The following CLPTM1 variants were observed in gnomAD, a reference collection of about 807,000 sequenced individuals.
CLPTM1 encodes the protein CLPTM1 regulator of GABA type A receptor forward trafficking.
CLPTM1 carries 21 observed loss-of-function variants against 77.3 expected under a neutral mutation model. That is an observed-to-expected ratio of 0.27 (90% CI 0.19 to 0.39). The LOEUF (loss-of-function observed/expected upper bound fraction) is 0.39, where lower values mean the gene tolerates loss of function less well. CLPTM1 is among the 10% of genes least tolerant of loss of function. The pLI is 1.00. For missense variants in CLPTM1, 642 were observed against 921.2 expected (o/e 0.70, Z 3.92); for synonymous variants, 373 against 381.0 (o/e 0.98, Z 0.24).
intron 5 of CLPTM1, among the ~76,000 whole-genome samples, chr19:44,981,464 G>A (rs559567103): frequency 3.2e-4 from 49 of 152,212 alleles, no homozygotes; most frequent in South Asian, 1.9e-3. Flanking sequence ...ATGGTGGTGC[G>A]CAACCTGTAG....
intron 9 of CLPTM1, among the ~76,000 whole-genome samples, chr19:44,989,713 G>A (rs1971039054): frequency 1.3e-5 from 2 of 152,198 alleles, no homozygotes; most frequent in African/African-American, 4.8e-5. Context: ...AGACGTGGTG[G>A]CTCAGCCTCC....
chr19:44,974,417 T>A (rs374693007), intron 3 of CLPTM1, 22 bp from the exon 4 acceptor site: 30 of 1,603,824 alleles, frequency 1.9e-5, no homozygotes, highest in Non-Finnish European at 2.4e-5. Flanking sequence ...GCCTGAGCTC[T>A]GTTCCCTTCC....
chr19:44,961,140 G>C (rs1970537111), intron 1 of CLPTM1, among the ~76,000 whole-genome samples: 1 of 152,192 alleles, frequency 6.6e-6, no homozygotes, highest in Non-Finnish European at 1.5e-5. Context: ...TCACCTCTCT[G>C]AGCCTCCCTT....
In CLPTM1 at chr19:44,968,401, G is replaced by A. The variant is rs117931793; in HGVS notation, c.186-4686G>A. ...GGGTATATAAAGGAATGGGGTGGGA[G>A]GGAGAGTTTTGATTATACGTCTTTT... is the stretch of plus-strand genomic sequence containing the variant. On this transcript the variant is annotated intron_variant, in intron 2 of 13. Transcript: ENST00000337392. Among the ~76,000 whole-genome samples the A allele has an allele frequency of 3.3e-3, 510 of 152,272 alleles. 7 individuals carry two copies. The East Asian group carries it at 0.038, about 11-fold the overall frequency.
chr19:44,954,627 G>C, upstream of CLPTM1: 2 of 1,079,564 alleles, frequency 1.9e-6, no homozygotes, highest in Non-Finnish European at 2.3e-6. Flanking sequence ...CGGGTTTAGA[G>C]CTGTACGAAG....
At chr19:44,986,359 A>AT in intron 6 of CLPTM1, 96 bp from the exon 7 acceptor site, 1 of 1,469,992 alleles carries the variant, frequency 6.8e-7, no homozygotes, top group Non-Finnish European at 9.2e-7. Context: ...AAAGATTAAG[A>AT]TTTTCTCGGG....
intron 1 of CLPTM1, chr19:44,955,826 G>C (rs995553418): frequency 1.7e-5 from 4 of 233,120 alleles, no homozygotes; most frequent in African/African-American, 9.0e-5. Flanking sequence ...TTCAGGTCTC[G>C]TTGTAGTGTT....
At chr19:44,989,176 A>G (rs999872958) in intron 9 of CLPTM1, among the ~76,000 whole-genome samples, 6 of 152,162 alleles carry the variant, frequency 3.9e-5, no homozygotes, top group African/African-American at 1.4e-4. Context: ...AAAAAAAAGG[A>G]CGCTCTTGCC....
chr19:44,969,379 A>G (rs1291467134), intron 2 of CLPTM1, among the ~76,000 whole-genome samples: 1 of 152,150 alleles, frequency 6.6e-6, no homozygotes, highest in East Asian at 1.9e-4. Context: ...CTTCTGCTGT[A>G]TGGTTATCAT....
intron 1 of CLPTM1, among the ~76,000 whole-genome samples, chr19:44,956,967 C>A (rs1319836987): frequency 2.0e-5 from 3 of 152,148 alleles, no homozygotes; most frequent in Non-Finnish European, 4.4e-5. Context: ...GGGGGCTGCC[C>A]TGTGCATTTT....
Position 44,992,712 on chromosome 19 carries a change from G to A in CLPTM1, c.1825G>A (p.Ala609Thr), listed in dbSNP as rs754494975. 15 of 1,613,212 alleles carry A rather than the reference G, an allele frequency of 9.3e-6. No homozygotes were observed. In the Admixed American group the frequency reaches 1.2e-4, roughly 13 times the overall value. Residue 609 changes from alanine (A) to threonine (T), a missense_variant, in exon 14 of 14, where the codon GCC becomes ACC. Around this residue, in one of 2 missense-constraint regions of CLPTM1, gnomAD observed 521 missense variants for 800.4 expected, o/e 0.65. Transcript: ENST00000337392. This position sits in a 1 kb window ranked among gnomAD's most constrained non-coding sequence, Gnocchi z 7.7. The stretch of plus-strand genomic sequence containing the variant: ...GAGTGGAGAAGACCCCACAGCTGCC[G>A]CCCCCGTGGCCGAGGTTCCCACAGC... ...GMSGEDPTAA[A>T]PVAEVPTAAG...
intron 1 of CLPTM1, 111 bp downstream of exon 1, chr19:44,955,578 A>T: frequency 1.5e-5 from 15 of 1,006,948 alleles, no homozygotes; most frequent in Admixed American, 4.6e-5. Context: ...CTCCTTGGCC[A>T]GAGGGACCTT....
chr19:44,973,028 G>A (rs1416978912), intron 2 of CLPTM1, 59 bp from the exon 3 acceptor site: 18 of 1,589,652 alleles, frequency 1.1e-5, no homozygotes, highest in South Asian at 5.6e-5. Flanking sequence ...GAAGTCAGGC[G>A]GGTCTATGGC....
intron 2 of CLPTM1, among the ~76,000 whole-genome samples, chr19:44,964,298 CTTTTTTTTTTTTTT>C (rs35539206): frequency 2.3e-4 from 16 of 68,120 alleles, no homozygotes; most frequent in South Asian, 1.4e-3. Flanking sequence ...TCATTTTAAC[CTTTTTTTTTTTTTT>C]TTTTTTTTTT....
rs531735866 is a variant in CLPTM1, at chr19:44,967,102, A to G, written c.185+5027A>G. Among the ~76,000 whole-genome samples, 4 of 152,156 alleles carry G rather than the reference A, an allele frequency of 2.6e-5. No individual in the cohort carries two copies. In the East Asian group the frequency reaches 7.8e-4, roughly 29 times the overall value. On this transcript the variant is annotated intron_variant, in intron 2 of 13. Transcript: ENST00000337392. The stretch of plus-strand genomic sequence containing the variant: ...GCTATCCACGCACCTCGGGCTCCCA[A>G]AGTGCTGGGATTACAGGCGTGAGCC...
Position 44,992,252 on chromosome 19 carries a change from C to T in CLPTM1, c.1575C>T (p.Pro525=). 1 of 1,614,038 alleles carries T rather than the reference C, an allele frequency of 6.2e-7. No individual in the cohort carries two copies. Among genetic ancestry groups the T allele is most frequent in the Non-Finnish European group, 8.5e-7 (1 of 1,179,964 alleles). Reference sequence around the variant, plus strand: ...CTGCAGGCTTCATCACCATGACGCCCCAGCTCTTCATCAACTACAAGCTCA... The same window carrying T: ...CTGCAGGCTTCATCACCATGACGCCTCAGCTCTTCATCAACTACAAGCTCA... The part of the protein sequence containing the change: ...LLTFGFITMT[P]QLFINYKLKS... Residue 525 remains proline, a synonymous_variant, in exon 13 of 14, where the codon CCC becomes CCT. Coordinates refer to ENST00000337392, the MANE Select transcript of CLPTM1 (RefSeq NM_001294.4). This position sits in a 1 kb window ranked among gnomAD's most constrained non-coding sequence, Gnocchi z 7.7.
At chr19:44,966,448 T>C (rs1297716083) in intron 2 of CLPTM1, among the ~76,000 whole-genome samples, 1 of 152,120 alleles carries the variant, frequency 6.6e-6, no homozygotes. Flanking sequence ...GGCCATCCCA[T>C]AGGCACACAT....
upstream of CLPTM1, chr19:44,954,691 A>G (rs887000367): frequency 5.1e-6 from 6 of 1,171,486 alleles, no homozygotes; most frequent in Non-Finnish European, 6.4e-6. Flanking sequence ...AGCCTAGCCC[A>G]CGGATGCGAG....
chr19:44,955,376 C>CTGGGGGGGGGGGG, upstream of CLPTM1: 1 of 631,186 alleles, frequency 1.6e-6, no homozygotes, highest in Non-Finnish European at 2.0e-6. Context: ...GCGGCGGGGG[C>CTGGGGGGGGGGGG]GGGGACCCGG....
Sources: allele counts gnomAD v4.1 joint callset (sites outside exome capture counted in the v4.1 genomes callset), GRCh38; gene constraint gnomAD v4.1.1; regional missense constraint gnomAD v4.1.1; non-coding constraint Gnocchi (gnomAD v3.1); transcripts MANE v1.5; gene names NCBI Gene and HGNC (gene_info 2026-07-23, HGNC 2026-07-21).